Variants in CSF3R observed in about 807,000 individuals in gnomAD.
The protein encoded by CSF3R is colony stimulating factor 3 receptor.
In CSF3R, 52 loss-of-function variants were observed where a neutral mutation model predicts 84.4. The ratio of observed to expected loss-of-function variants is 0.62; its 90% confidence interval spans 0.49 to 0.78. CSF3R has a LOEUF of 0.78. Ranked by LOEUF, CSF3R falls within the 30% of genes least tolerant of loss-of-function variation. The pLI, the probability that CSF3R is intolerant of heterozygous loss-of-function variation, is 0.00. For synonymous variants in CSF3R, 384 were observed against 429.1 expected, an observed-to-expected ratio of 0.89 and a Z score of 1.30; for missense variants, 890 against 1,055.7, an observed-to-expected ratio of 0.84 and a Z score of 2.17.
intron 4 of CSF3R, among the ~76,000 whole-genome samples, chr1:36,474,637 A>G (rs1651007589): frequency 6.6e-6 from 1 of 151,258 alleles, no homozygotes; most frequent in Admixed American, 6.6e-5. Flanking sequence ...TTAAACAAGA[A>G]CCTCGGTCTT....
At chr1:36,471,926 C>T in intron 9 of CSF3R, 140 bp downstream of exon 9, 1 of 855,386 alleles carries the variant, frequency 1.2e-6, no homozygotes, top group Non-Finnish European at 1.9e-6. Flanking sequence ...GCTCCCTAGG[C>T]ACATGCAAAG....
In CSF3R at chr1:36,467,064, G is replaced by T; in HGVS notation, c.2040+166C>A. On this transcript the variant is annotated intron_variant, in intron 16 of 16. Coordinates refer to ENST00000373106, the MANE Select transcript of CSF3R (RefSeq NM_000760.4). This position sits in a 1 kb window ranked among gnomAD's most constrained non-coding sequence, Gnocchi z 4.1. Reference sequence around the variant, plus strand: ...ATCACAGGGAGGTGACTGAGGCTTTGAGATGGACAGAGGTGGGATTCAAAG... The same window carrying T: ...ATCACAGGGAGGTGACTGAGGCTTTTAGATGGACAGAGGTGGGATTCAAAG... 8.1e-7 allele frequency: 1 copy of T among 1,230,938 alleles called. No individual in the cohort carries two copies. The highest frequency in any genetic ancestry group is 1.5e-5 in the African/African-American group (1 of 67,012). The allele number at this position is 1,230,938 out of a possible 1,614,324, so 76.3% of individuals were successfully genotyped here. A position where few individuals can be genotyped will look rare whatever the true frequency, so the allele number is the denominator to read the frequency against.
At position 36,467,585 on chromosome 1, in the gene CSF3R, C is replaced by G. The variant is rs1650407939; in HGVS notation, c.1931G>C (p.Gly644Ala). The change falls in exon 15 of 17, where the codon GGA (glycine) becomes GCA (alanine). Residue 644 changes from glycine (G) to alanine (A), a missense_variant. Transcript: ENST00000373106. The surrounding 1 kb of genome is among the most constrained non-coding windows in gnomAD (Gnocchi z 4.1). ...GGGGCTGCAACAGAGCCAGGCAGTT[C>G]CACAGAGGCAGGTGAGCAACAGCAG... ...GLLLLLTCLC[G>A]TAWLCCSPNR... The G allele has an allele frequency of 6.2e-7, 1 of 1,614,110 alleles. No individual in the cohort carries two copies. The highest frequency in any genetic ancestry group is 8.5e-7 in the Non-Finnish European group (1 of 1,180,016).
chr1:36,472,097 A>G lies in CSF3R; in HGVS notation c.1040T>C (p.Leu347Pro). ...GAACAGCTGCACTGTCCTGGGGTCC[A>G]GCTGCCTCTGCCGCCACCATGTGTC... The part of the protein sequence containing the change: ...RLDTWWRQRQ[L>P]DPRTVQLFWK... The change falls in exon 9 of 17, where the codon CTG becomes CCG. Residue 347 changes from leucine (L) to proline (P), a missense_variant. Coordinates refer to ENST00000373106, the MANE Select transcript of CSF3R (RefSeq NM_000760.4). This position sits in a 1 kb window ranked among gnomAD's most constrained non-coding sequence, Gnocchi z 5.0. 6.2e-7 allele frequency: 1 copy of G among 1,613,774 alleles called. No individual in the cohort carries two copies. Among genetic ancestry groups the G allele is most frequent in the Non-Finnish European group, 8.5e-7 (1 of 1,180,024 alleles).
intron 10 of CSF3R, 111 bp from the exon 11 acceptor site, chr1:36,469,951 G>A: frequency 8.8e-7 from 1 of 1,140,550 alleles, no homozygotes; most frequent in Non-Finnish European, 1.3e-6. Flanking sequence ...GGTGACCTTT[G>A]GTAGGTCAAC....
At chr1:36,469,088 TG>T in intron 12 of CSF3R, 67 bp downstream of exon 12, 3 of 1,166,894 alleles carry the variant, frequency 2.6e-6, no homozygotes, top group Non-Finnish European at 3.8e-6. Flanking sequence ...TTCTGATTGC[TG>T]GGGACCAGGC....
chr1:36,471,288 C>T, intron 10 of CSF3R, 145 bp downstream of exon 10: 1 of 824,724 alleles, frequency 1.2e-6, no homozygotes, highest in East Asian at 2.5e-5. Flanking sequence ...CTCGGATGAT[C>T]TGCCCACCTC....
chr1:36,480,783 T>C (rs1316241815), intron 2 of CSF3R, among the ~76,000 whole-genome samples: 1 of 152,206 alleles, frequency 6.6e-6, no homozygotes, highest in Non-Finnish European at 1.5e-5. Context: ...ACAGGGGTCT[T>C]ACCCAAACCC....
chr1:36,466,589 G>A lies in CSF3R; in HGVS notation c.2279C>T (p.Thr760Ile). 1 of 1,612,490 alleles carries A rather than the reference G, an allele frequency of 6.2e-7. No individual in the cohort carries two copies. ...GAGATAGTGCCCTGGCCCTGGGCTTGTGGGGCTGCCCAGCAGCTGCCCATA... is the reference window on the plus strand; with the variant it reads ...GAGATAGTGCCCTGGCCCTGGGCTTATGGGGCTGCCCAGCAGCTGCCCATA... ...VLYGQLLGSP[T>I]SPGPGHYLRC... The change falls in exon 17 of 17, where the codon ACA becomes ATA. Residue 760 changes from threonine (T) to isoleucine (I), a missense_variant. Physicochemically the swap from Thr to Ile is moderately conservative, Grantham distance 89 (BLOSUM62 -1). Transcript: ENST00000373106. The surrounding 1 kb of genome is among the most constrained non-coding windows in gnomAD (Gnocchi z 4.6).
In CSF3R at chr1:36,479,386, T is replaced by G. The variant is rs1446494853; in HGVS notation, c.64+47A>C. ...GCAAGGAAATTCCCAATATCTCTCCTTGTAGCTTCCCCTCCCCACTGCACC... is the reference window on the plus strand; with the variant it reads ...GCAAGGAAATTCCCAATATCTCTCCGTGTAGCTTCCCCTCCCCACTGCACC... On this transcript the variant is annotated intron_variant, in intron 3 of 16. Transcript: ENST00000373106. 1.9e-6 allele frequency: 3 copies of G among 1,575,564 alleles called. No individual in the cohort carries two copies. The African/African-American group carries it at 4.0e-5, about 21-fold the overall frequency.
In CSF3R at chr1:36,472,657, T is replaced by C. The variant is rs1427240637; in HGVS notation, c.703A>G (p.Met235Val). ...GGGGCCGCTTCAGGGCTGGGGTCCA[T>C]GGTCCGCAGCATGGGGGGCTCCAGT... ...VKLEPPMLRTMDPSPEAAPPQ... is the reference protein window; with the variant it reads ...VKLEPPMLRTVDPSPEAAPPQ... Residue 235 changes from methionine (M) to valine (V), a missense_variant, in exon 7 of 17, where the codon ATG becomes GTG. Transcript: ENST00000373106. This position sits in a 1 kb window ranked among gnomAD's most constrained non-coding sequence, Gnocchi z 5.0. 3 of 1,607,568 alleles carry C rather than the reference T, an allele frequency of 1.9e-6. No homozygotes were observed. In the African/African-American group the frequency reaches 4.0e-5, roughly 21 times the overall value.
In CSF3R at chr1:36,481,497, A is replaced by C. The variant is rs1384790995; in HGVS notation, c.-40T>G. ...ACTTACCAGCTTTGTGATCTTGGACAAGTTACTTCACCTTTCCGAGCCGAG... is the reference window on the plus strand; with the variant it reads ...ACTTACCAGCTTTGTGATCTTGGACCAGTTACTTCACCTTTCCGAGCCGAG... On this transcript the variant is annotated 5_prime_UTR_variant, in exon 2 of 17. Coordinates refer to ENST00000373106, the MANE Select transcript of CSF3R (RefSeq NM_000760.4). 1 of 152,252 alleles carries C rather than the reference A, an allele frequency of 6.6e-6. No homozygotes were observed. The highest frequency in any genetic ancestry group is 1.5e-5 in the Non-Finnish European group (1 of 68,074). The allele number at this position is 152,252 out of a possible 1,614,324, so 9.4% of individuals were successfully genotyped here. A position where few individuals can be genotyped will look rare whatever the true frequency, so the allele number is the denominator to read the frequency against.
In CSF3R at chr1:36,468,153, G is replaced by A. The variant is rs1164628469; in HGVS notation, c.1645C>T (p.Pro549Ser). 6.2e-7 allele frequency: 1 copy of A among 1,613,544 alleles called. No homozygotes were observed. The highest frequency in any genetic ancestry group is 2.2e-5 in the East Asian group (1 of 44,886). Residue 549 changes from proline to serine, a missense_variant, in exon 13 of 17, where the codon CCT becomes TCT. Transcript: ENST00000373106. ...GKTWAQLEWV[P>S]EPPELGKSPL... is the part of the protein sequence containing the mutation. ...CTCTTCCCCAGCTCAGGGGGCTCAG[G>A]CACCCACTCCAGCTGTGCCCAGGTC...
chr1:36,469,656 C>T lies in CSF3R; in HGVS notation c.1470G>A (p.Leu490=), dbSNP rs2124109479. ...AACTTTCCAGGCCAGCCTCACCCTT[C>T]AGCAGAAACCCCGTGGCTCTCCCAT... ...EQNGRATGFL[L]KENIRPFQLY... is the part of the protein sequence containing the mutation. The change falls in exon 11 of 17, where the codon CTG becomes CTA. Residue 490 remains leucine, a synonymous_variant. Transcript: ENST00000373106. 1 of 1,614,098 alleles carries T rather than the reference C, an allele frequency of 6.2e-7. No homozygotes were observed. The highest frequency in any genetic ancestry group is 8.5e-7 in the Non-Finnish European group (1 of 1,180,044).
Position 36,472,556 on chromosome 1 carries a change from C to G in CSF3R, c.804G>C (p.Leu268=). The change falls in exon 7 of 17, where the codon CTG becomes CTC. Residue 268 remains leucine, a synonymous_variant. Transcript: ENST00000373106. This position sits in a 1 kb window ranked among gnomAD's most constrained non-coding sequence, Gnocchi z 5.0. ...CTTCTCCACGCTGCGGCTTGTGGCG[C>G]AGCTCACACTTCTGATTTATGTGCA... ...PGLHINQKCE[L]RHKPQRGEAS... 1 of 1,614,184 alleles carries G rather than the reference C, an allele frequency of 6.2e-7. No homozygotes were observed. The highest frequency in any genetic ancestry group is 1.7e-5 in the Admixed American group (1 of 60,026).
intron 4 of CSF3R, among the ~76,000 whole-genome samples, chr1:36,474,948 TATC>T (rs1348709731): frequency 1.3e-5 from 2 of 152,250 alleles, no homozygotes; most frequent in East Asian, 3.9e-4. Context: ...TGTTACCTGA[TATC>T]ATGCCCATAA....
At chr1:36,475,887 G>T in intron 3 of CSF3R, 1 of 548,516 alleles carries the variant, frequency 1.8e-6, no homozygotes, top group Non-Finnish European at 3.2e-6. Flanking sequence ...TTATCAGCCA[G>T]CTTGGCAGAG....
In CSF3R at chr1:36,467,378, C is replaced by G; in HGVS notation, c.1959-67G>C. 6.5e-6 allele frequency: 10 copies of G among 1,540,732 alleles called. No homozygotes were observed. The highest frequency in any genetic ancestry group is 9.0e-6 in the Non-Finnish European group (10 of 1,113,916). On this transcript the variant is annotated intron_variant, in intron 15 of 16. Coordinates refer to ENST00000373106, the MANE Select transcript of CSF3R (RefSeq NM_000760.4). This position sits in a 1 kb window ranked among gnomAD's most constrained non-coding sequence, Gnocchi z 4.1. ...CCGATCTTTCCATTTTTTGTCCCACCCACCCCACCTGAAGAGGTGCAGCTG... is the reference window on the plus strand; with the variant it reads ...CCGATCTTTCCATTTTTTGTCCCACGCACCCCACCTGAAGAGGTGCAGCTG...
intron 4 of CSF3R, 98 bp downstream of exon 4, chr1:36,475,279 A>G: frequency 6.8e-7 from 1 of 1,465,632 alleles, no homozygotes; most frequent in East Asian, 2.3e-5. Context: ...AGTGCTGGGA[A>G]TACAGGCGTG....
Sources: allele counts gnomAD v4.1 joint callset (sites outside exome capture counted in the v4.1 genomes callset), GRCh38; gene constraint gnomAD v4.1.1; non-coding constraint Gnocchi (gnomAD v3.1); transcripts MANE v1.5; gene names NCBI Gene and HGNC (gene_info 2026-07-23, HGNC 2026-07-21).